ENAH: variants seen among roughly 807,000 people sequenced by gnomAD.
ENAH encodes ENAH actin regulator.
In ENAH, 23 loss-of-function variants were observed where a neutral mutation model predicts 78.7. That is an observed-to-expected ratio of 0.29 (90% confidence interval 0.21 to 0.41). The LOEUF (loss-of-function observed/expected upper bound fraction) is 0.41. Ranked by LOEUF, ENAH falls within the 10% of genes least tolerant of loss-of-function variation. The probability of loss-of-function intolerance (pLI) is 1.00; values close to 1 mark genes in which losing one functional copy is unlikely to be tolerated. For synonymous variants in ENAH, 226 were observed against 241.0 expected (o/e 0.94, Z 0.58); for missense variants, 544 against 691.0 (o/e 0.79, Z 2.39).
intron 1 of ENAH, among the ~76,000 whole-genome samples, chr1:225,643,106 G>A (rs1322562668): frequency 6.6e-6 from 1 of 152,234 alleles, no homozygotes; most frequent in African/African-American, 2.4e-5. Context: ...GGAATGCAGA[G>A]CCAGGTCACG....
chr1:225,611,902 A>G (rs1018979186), intron 1 of ENAH, among the ~76,000 whole-genome samples: 2 of 152,232 alleles, frequency 1.3e-5, no homozygotes, highest in African/African-American at 4.8e-5. Context: ...GGCTATCATA[A>G]AAAACAAAAC....
At chr1:225,604,683 C>T (rs1459511836) in intron 1 of ENAH, among the ~76,000 whole-genome samples, 1 of 150,626 alleles carries the variant, frequency 6.6e-6, no homozygotes, top group Admixed American at 6.6e-5. Context: ...GTCCCAGCTA[C>T]TTGGGAGGCT....
intron 1 of ENAH, among the ~76,000 whole-genome samples, chr1:225,606,228 G>C (rs190188799): frequency 6.6e-6 from 1 of 151,954 alleles, no homozygotes; most frequent in Non-Finnish European, 1.5e-5. Flanking sequence ...TTGGAAGGCC[G>C]AGGCAGGTGG....
At chr1:225,629,995 T>C (rs1658707827) in intron 1 of ENAH, among the ~76,000 whole-genome samples, 1 of 152,164 alleles carries the variant, frequency 6.6e-6, no homozygotes, top group Non-Finnish European at 1.5e-5. Context: ...AGGAATGGCA[T>C]GAAAAATGGT....
At chr1:225,589,160 C>T (rs1174102313) in intron 1 of ENAH, among the ~76,000 whole-genome samples, 5 of 151,962 alleles carry the variant, frequency 3.3e-5, no homozygotes, top group African/African-American at 7.2e-5. Context: ...GGAGGCAAAG[C>T]GAGGAGTGAC....
chr1:225,559,517 C>T (rs569265485), intron 2 of ENAH, among the ~76,000 whole-genome samples: 1 of 152,274 alleles, frequency 6.6e-6, no homozygotes, highest in South Asian at 2.1e-4. Context: ...CCTGCTGTGA[C>T]TCATAAATTT....
At chr1:225,652,009 A>T (rs756412124) in intron 1 of ENAH, among the ~76,000 whole-genome samples, 1 of 152,196 alleles carries the variant, frequency 6.6e-6, no homozygotes, top group Non-Finnish European at 1.5e-5. Flanking sequence ...AATGCAACAC[A>T]GGCTGCTACA....
chr1:225,535,655 A>G (rs2096558220), intron 3 of ENAH: 3 of 613,406 alleles, frequency 4.9e-6, no homozygotes, highest in Non-Finnish European at 8.0e-6. Context: ...TGAAATGTTC[A>G]AAATGTATTT....
chr1:225,514,416 C>T (rs947105452), intron 7 of ENAH, among the ~76,000 whole-genome samples, 180 bp downstream of exon 7: 2 of 152,020 alleles, frequency 1.3e-5, no homozygotes, highest in African/African-American at 2.4e-5. Context: ...CCGCCCACCC[C>T]AGCCTCCCAA....
chr1:225,490,118 TCAGTCC>T lies in ENAH; in HGVS notation c.*7651_*7656del, dbSNP rs2096215665. The T allele has an allele frequency of 6.6e-6, 1 of 151,902 alleles. No individual in the cohort carries two copies. Among genetic ancestry groups the T allele is most frequent in the Admixed American group, 6.6e-5 (1 of 15,254 alleles). The allele number at this position is 151,902 out of a possible 1,614,324, so 9.4% of individuals were successfully genotyped here. A position where few individuals can be genotyped will look rare whatever the true frequency, so the allele number is the denominator to read the frequency against. ...CCCCACAGCCTGAAAACTGGTAAAG[TCAGTCC>T]CAGTCCAATGACCTGCCCACAACTC... On this transcript the variant is annotated 3_prime_UTR_variant, in exon 14 of 14. Coordinates refer to ENST00000366843, the MANE Select transcript of ENAH (RefSeq NM_018212.6).
chr1:225,576,913 T>C (rs893819109), intron 1 of ENAH, among the ~76,000 whole-genome samples: 8 of 152,112 alleles, frequency 5.3e-5, no homozygotes, highest in Non-Finnish European at 1.0e-4. Flanking sequence ...GGCAGGTGGA[T>C]TGCTGGAGCC....
At chr1:225,564,664 C>T (rs1016569834) in intron 2 of ENAH, among the ~76,000 whole-genome samples, 4 of 151,948 alleles carry the variant, frequency 2.6e-5, no homozygotes, top group Non-Finnish European at 4.4e-5. Context: ...GTCTTGAACT[C>T]TTGGGCAAGC....
chr1:225,653,382 C>G (rs1320158055), upstream of ENAH, among the ~76,000 whole-genome samples: 1 of 151,842 alleles, frequency 6.6e-6, no homozygotes, highest in Middle Eastern at 3.2e-3. This position sits in a 1 kb window ranked among gnomAD's most constrained non-coding sequence, Gnocchi z 4.3. Context: ...TACCCCGCCC[C>G]CTGCACCCCT....
At chr1:225,627,546 T>C (rs950455497) in intron 1 of ENAH, among the ~76,000 whole-genome samples, 1 of 152,206 alleles carries the variant, frequency 6.6e-6, no homozygotes, top group Non-Finnish European at 1.5e-5. Flanking sequence ...TGAGTGCTGT[T>C]ATGAGGCCAG....
At chr1:225,509,478 A>T (rs571770140) in intron 10 of ENAH, among the ~76,000 whole-genome samples, 3 of 152,206 alleles carry the variant, frequency 2.0e-5, no homozygotes, top group Non-Finnish European at 4.4e-5. Flanking sequence ...GCTGAGAAGC[A>T]AGGGCCTCTT....
At chr1:225,529,282 G>A (rs146899772) in intron 4 of ENAH, among the ~76,000 whole-genome samples, 18 of 152,038 alleles carry the variant, frequency 1.2e-4, no homozygotes, top group African/African-American at 3.9e-4. Context: ...CAGCCTCCAC[G>A]GCCTCCTTGT....
At chr1:225,571,837 T>C (rs2096764033) in intron 1 of ENAH, among the ~76,000 whole-genome samples, 2 of 152,122 alleles carry the variant, frequency 1.3e-5, no homozygotes, top group Admixed American at 6.5e-5. Context: ...AGAGTCGCAC[T>C]TGGAAAGGGC....
chr1:225,609,312 T>A (rs534494047), intron 1 of ENAH, among the ~76,000 whole-genome samples: 85 of 151,976 alleles, frequency 5.6e-4, no homozygotes, highest in Non-Finnish European at 9.7e-4. Flanking sequence ...AAAGATTCAT[T>A]AAATCCAGCT....
At chr1:225,632,952 C>G (rs1220909093) in intron 1 of ENAH, among the ~76,000 whole-genome samples, 1 of 152,160 alleles carries the variant, frequency 6.6e-6, no homozygotes, top group African/African-American at 2.4e-5. Flanking sequence ...AGACATGTTC[C>G]CTGTATGGTG....
Sources: gnomAD v4.1 joint callset for allele counts (sites outside exome capture counted in the v4.1 genomes callset) on GRCh38, gnomAD v4.1.1 for gene constraint, Gnocchi (gnomAD v3.1) non-coding constraint, MANE v1.5 for transcripts, NCBI Gene and HGNC (gene_info 2026-07-23, HGNC 2026-07-21) for gene names.